Variants in NRXN3 observed in about 807,000 individuals in gnomAD.
NRXN3 encodes the protein neurexin III.
In NRXN3, 32 loss-of-function variants were observed where a neutral mutation model predicts 137.6. That is an observed-to-expected ratio of 0.23 (90% CI 0.18 to 0.31). NRXN3 has a LOEUF of 0.31. Ranked by LOEUF, NRXN3 falls within the 10% of genes least tolerant of loss-of-function variation. The probability of loss-of-function intolerance (pLI) is 1.00; values close to 1 mark genes in which losing one functional copy is unlikely to be tolerated. For missense variants in NRXN3, 1,574 were observed against 2,062.5 expected (o/e 0.76, Z 4.59); for synonymous variants, 798 against 784.5 (o/e 1.02, Z -0.29).
chr14:79,846,263 A>G lies in NRXN3; in HGVS notation c.4094-15079A>G, dbSNP rs28594140. Among the ~76,000 whole-genome samples, 699 of 152,300 alleles carry G rather than the reference A, an allele frequency of 4.6e-3. 6 individuals are homozygous for G. Among genetic ancestry groups the G allele is most frequent in the African/African-American group, 0.016 (675 of 41,566 alleles). ...GCACAGTAAAGCAAAGCACAATAAAACAAGATATACCTGTATTTGTTTTTA... is the reference window on the plus strand; with the variant it reads ...GCACAGTAAAGCAAAGCACAATAAAGCAAGATATACCTGTATTTGTTTTTA... On this transcript the variant is annotated intron_variant, in intron 20 of 20. Coordinates refer to ENST00000335750, the MANE Select transcript of NRXN3 (RefSeq NM_001330195.2).
chr14:79,264,999 A>T (rs983333156), intron 15 of NRXN3, among the ~76,000 whole-genome samples: 1 of 152,158 alleles, frequency 6.6e-6, no homozygotes, highest in Non-Finnish European at 1.5e-5. Flanking sequence ...TTTATTTAAA[A>T]ACTAACTTGA....
At chr14:79,703,905 C>T (rs1042526706) in intron 19 of NRXN3, among the ~76,000 whole-genome samples, 1 of 152,070 alleles carries the variant, frequency 6.6e-6, no homozygotes, top group African/African-American at 2.4e-5. Flanking sequence ...CCACTTCAAC[C>T]TAAGGGACTC....
chr14:78,334,226 G>C (rs560544788), intron 4 of NRXN3, among the ~76,000 whole-genome samples: 17 of 152,294 alleles, frequency 1.1e-4, no homozygotes, highest in Non-Finnish European at 2.2e-4. Context: ...GGTTGGGTTT[G>C]AGCTTACAGT....
chr14:79,118,051 T>G (rs1166665078), intron 15 of NRXN3, among the ~76,000 whole-genome samples: 1 of 152,132 alleles, frequency 6.6e-6, no homozygotes, highest in Non-Finnish European at 1.5e-5. Flanking sequence ...GTGCAGATTT[T>G]AGTGAAGATG....
chr14:78,622,046 AT>A (rs1484988823), intron 4 of NRXN3, among the ~76,000 whole-genome samples: 1 of 152,128 alleles, frequency 6.6e-6, no homozygotes, highest in Non-Finnish European at 1.5e-5. Flanking sequence ...TCAGATGAGG[AT>A]TTTCTGATTG....
At chr14:79,178,832 C>T (rs182577853) in intron 15 of NRXN3, among the ~76,000 whole-genome samples, 1 of 152,314 alleles carries the variant, frequency 6.6e-6, no homozygotes, top group Non-Finnish European at 1.5e-5. Flanking sequence ...GATGACTTTA[C>T]TCTGGGATGT....
chr14:79,452,236 T>C (rs889440600), intron 15 of NRXN3, among the ~76,000 whole-genome samples: 5 of 152,168 alleles, frequency 3.3e-5, no homozygotes, highest in Admixed American at 6.5e-5. Context: ...AGAGAAGTAC[T>C]GTATTAATTT....
In NRXN3 at chr14:79,292,865, C is replaced by T. The variant is rs186248106; in HGVS notation, c.3263-174356C>T. ...GATCAGACATGAGAACTAAGTCTGC[C>T]GTGCATTACAGACGTAGGGAGGTTT... On this transcript the variant is annotated intron_variant, in intron 15 of 20. Coordinates refer to ENST00000335750, the MANE Select transcript of NRXN3 (RefSeq NM_001330195.2). 1.8e-3 allele frequency among the ~76,000 whole-genome samples: 278 copies of T among 152,296 alleles called. 1 individual carries two copies. The highest frequency in any genetic ancestry group is 6.2e-3 in the African/African-American group (257 of 41,552).
intron 10 of NRXN3, among the ~76,000 whole-genome samples, chr14:78,858,329 A>G (rs2099063172): frequency 6.6e-6 from 1 of 152,122 alleles, no homozygotes; most frequent in Non-Finnish European, 1.5e-5. Flanking sequence ...ATACCATTGA[A>G]TTATTGCCCG....
chr14:79,024,849 A>G (rs874316), intron 15 of NRXN3, among the ~76,000 whole-genome samples: 49,338 of 152,118 alleles, frequency 0.32, 8,599 homozygotes, highest in Admixed American at 0.47. Context: ...TAATAATAAT[A>G]GCAAGTATTA....
intron 15 of NRXN3, among the ~76,000 whole-genome samples, chr14:79,396,310 T>C (rs1411691058): frequency 2.0e-5 from 3 of 152,154 alleles, no homozygotes; most frequent in South Asian, 4.1e-4. Context: ...GTGTGAAAGA[T>C]ATCTACATAT....
chr14:78,444,350 C>T (rs961979136), intron 4 of NRXN3, among the ~76,000 whole-genome samples: 1 of 152,174 alleles, frequency 6.6e-6, no homozygotes, highest in Non-Finnish European at 1.5e-5. Flanking sequence ...TGCCCAGCTC[C>T]TGTGTTTTTC....
At chr14:79,759,950 A>T (rs188205137) in intron 19 of NRXN3, among the ~76,000 whole-genome samples, 1 of 151,830 alleles carries the variant, frequency 6.6e-6, no homozygotes, top group African/African-American at 2.4e-5. Flanking sequence ...TAAGAATAGG[A>T]TCAGGAAAAT....
In NRXN3 at chr14:78,348,882, T is replaced by A. The variant is rs555690682; in HGVS notation, c.757+51022T>A. Among the ~76,000 whole-genome samples the A allele has an allele frequency of 9.9e-5, 15 of 152,244 alleles. 1 individual carries two copies. In the South Asian group the frequency reaches 3.1e-3, roughly 32 times the overall value. ...GGTGCTGGACTCCAGAGGCTGTCCTTTGTGGCAGACCCCAAGTGCTCCAGT... is the reference window on the plus strand; with the variant it reads ...GGTGCTGGACTCCAGAGGCTGTCCTATGTGGCAGACCCCAAGTGCTCCAGT... On this transcript the variant is annotated intron_variant, in intron 4 of 20. Transcript: ENST00000335750.
chr14:79,001,866 T>TG (rs2099542010), intron 15 of NRXN3, among the ~76,000 whole-genome samples: 1 of 152,166 alleles, frequency 6.6e-6, no homozygotes, highest in African/African-American at 2.4e-5. Context: ...TTATAAATAA[T>TG]GGGGGCAAAG....
At chr14:79,130,718 G>T (rs924848106) in intron 15 of NRXN3, among the ~76,000 whole-genome samples, 2 of 152,134 alleles carry the variant, frequency 1.3e-5, no homozygotes, top group African/African-American at 4.8e-5. Flanking sequence ...GAATCTGAAC[G>T]TTGGGCTGCC....
chr14:78,252,536 A>T (rs748529396), intron 2 of NRXN3, among the ~76,000 whole-genome samples: 1 of 152,170 alleles, frequency 6.6e-6, no homozygotes, highest in African/African-American at 2.4e-5. Flanking sequence ...TCTCGATGAG[A>T]TGCTATTCAT....
At chr14:79,430,745 G>A (rs1356030992) in intron 15 of NRXN3, among the ~76,000 whole-genome samples, 1 of 152,148 alleles carries the variant, frequency 6.6e-6, no homozygotes, top group African/African-American at 2.4e-5. Context: ...AATATGTTAT[G>A]AGTTTTTTAA....
intron 19 of NRXN3, among the ~76,000 whole-genome samples, chr14:79,720,098 G>A (rs1297291842): frequency 1.3e-5 from 2 of 152,124 alleles, no homozygotes; most frequent in South Asian, 2.1e-4. Context: ...ATAAAGGAAA[G>A]AGGTTTAATA....
Sources: allele counts gnomAD v4.1 joint callset (sites outside exome capture counted in the v4.1 genomes callset), GRCh38; gene constraint gnomAD v4.1.1; transcripts MANE v1.5; gene names NCBI Gene and HGNC (gene_info 2026-07-23, HGNC 2026-07-21).